The following RARB variants were observed in gnomAD, a reference collection of about 807,000 sequenced individuals.
RARB encodes HBV-activated protein.
Under a neutral mutation model 51.9 loss-of-function variants are expected in RARB, and 17 were observed. That is an observed-to-expected ratio of 0.33 (90% CI 0.22 to 0.49). The LOEUF is 0.49. RARB is among the 20% of genes least tolerant of loss of function. The pLI is 0.99. For synonymous variants in RARB, 215 were observed against 195.4 expected (o/e 1.10, Z -0.84); for missense variants, 369 against 550.8 (o/e 0.67, Z 3.30).
At position 25,569,900 on chromosome 3, in the gene RARB, G is replaced by T; in HGVS notation, c.591G>T (p.Gln197His). The T allele has an allele frequency of 6.2e-7, 1 of 1,614,128 alleles. No individual in the cohort carries two copies. ...AHQETFPSLC[Q>H]LGKYTTNSSA... ...AGGAAACTTTCCCTTCACTCTGCCA[G>T]CTGGGTAAATACACCACGGTAAGAG... Residue 197 changes from glutamine to histidine, a missense_variant, in exon 4 of 8, where the codon CAG (glutamine) becomes CAT (histidine). By Grantham distance (24) the Gln-to-His change is conservative. Coordinates refer to ENST00000330688, the MANE Select transcript of RARB (RefSeq NM_000965.5).
intron 2 of RARB, among the ~76,000 whole-genome samples, chr3:24,976,972 T>TGCATATGGTTAGCCAGTTTTCC (rs1335318603): frequency 6.6e-6 from 1 of 152,224 alleles, no homozygotes; most frequent in East Asian, 1.9e-4. Flanking sequence ...TTCAGTTTTC[T>TGCATATGGTTAGCCAGTTTTCC]GCATATGGTT....
intron 4 of RARB, among the ~76,000 whole-genome samples, chr3:25,135,686 C>CT (rs894479513): frequency 2.4e-4 from 36 of 152,010 alleles, no homozygotes; most frequent in Admixed American, 2.0e-3. Flanking sequence ...AGAGCAAAGA[C>CT]TTTTTTAAAA....
intron 5 of RARB, among the ~76,000 whole-genome samples, chr3:25,248,183 T>C (rs1177437267): frequency 6.6e-6 from 1 of 152,210 alleles, no homozygotes; most frequent in Admixed American, 6.5e-5. Flanking sequence ...TTATGAAGTA[T>C]AGCTACTCCT....
chr3:24,917,508 G>T (rs977295926), intron 2 of RARB, among the ~76,000 whole-genome samples: 2 of 152,168 alleles, frequency 1.3e-5, no homozygotes, highest in African/African-American at 4.8e-5. Context: ...CTTCATCAAA[G>T]AATGTAAGCA....
At chr3:25,044,492 A>C (rs946024658) in intron 2 of RARB, among the ~76,000 whole-genome samples, 4 of 152,218 alleles carry the variant, frequency 2.6e-5, no homozygotes, top group Non-Finnish European at 4.4e-5. Context: ...GCTAAAAAAA[A>C]CAAATCCTCG....
At chr3:25,151,294 T>TTGTA (rs968554851) in intron 4 of RARB, among the ~76,000 whole-genome samples, 2 of 152,224 alleles carry the variant, frequency 1.3e-5, no homozygotes, top group African/African-American at 4.8e-5. Context: ...CTGACTTTCT[T>TTGTA]TGCATTTCCC....
At chr3:24,887,840 C>T (rs1296251391) in intron 2 of RARB, among the ~76,000 whole-genome samples, 1 of 152,150 alleles carries the variant, frequency 6.6e-6, no homozygotes, top group Non-Finnish European at 1.5e-5. Flanking sequence ...CAGTGGTTTA[C>T]TGTGATGTCA....
Position 25,596,925 on chromosome 3 carries a change from G to T in RARB, c.*309G>T. ...GACCCAGTCAAAATGATTTACCCCT[G>T]GTTAAGTTTCTGAAGACTTTGTACA... is the stretch of plus-strand genomic sequence containing the variant. On this transcript the variant is annotated 3_prime_UTR_variant, in exon 8 of 8. Coordinates refer to ENST00000330688, the MANE Select transcript of RARB (RefSeq NM_000965.5). The T allele has an allele frequency of 4.3e-6, 1 of 230,978 alleles. No individual in the cohort carries two copies. The highest frequency in any genetic ancestry group is 8.5e-6 in the Non-Finnish European group (1 of 117,882). 14.3% of individuals were successfully genotyped at this position (230,978 alleles called of 1,614,324 possible).
chr3:25,581,747 T>G (rs1289548865), intron 5 of RARB, among the ~76,000 whole-genome samples: 1 of 152,104 alleles, frequency 6.6e-6, no homozygotes, highest in African/African-American at 2.4e-5. Context: ...AGTGCCCTTA[T>G]GAGGAGATGA....
chr3:25,277,130 G>A (rs1703408465), intron 5 of RARB, among the ~76,000 whole-genome samples: 1 of 152,178 alleles, frequency 6.6e-6, no homozygotes, highest in South Asian at 2.1e-4. Flanking sequence ...TATCCAAGGA[G>A]TAGAAAAGAA....
intron 5 of RARB, among the ~76,000 whole-genome samples, chr3:25,246,613 A>G (rs1702567361): frequency 6.6e-6 from 1 of 151,846 alleles, no homozygotes; most frequent in Non-Finnish European, 1.5e-5. Context: ...CTGGGGTTCC[A>G]CTCCAGATCC....
At chr3:24,999,937 C>A (rs1259393685) in intron 2 of RARB, among the ~76,000 whole-genome samples, 1 of 152,054 alleles carries the variant, frequency 6.6e-6, no homozygotes, top group East Asian at 1.9e-4. Flanking sequence ...TACTCCCCAA[C>A]AGCCACATTA....
chr3:25,275,547 C>A (rs1374087446), intron 5 of RARB, among the ~76,000 whole-genome samples: 1 of 152,220 alleles, frequency 6.6e-6, no homozygotes, highest in Non-Finnish European at 1.5e-5. Flanking sequence ...TACTGTTAGC[C>A]ATACGGCAAC....
At chr3:24,869,581 A>G (rs901096080) in intron 2 of RARB, among the ~76,000 whole-genome samples, 3 of 152,146 alleles carry the variant, frequency 2.0e-5, no homozygotes, top group African/African-American at 7.2e-5. Context: ...TTAGAATCAT[A>G]TTGTAAATTG....
intron 5 of RARB, among the ~76,000 whole-genome samples, chr3:25,591,146 A>G (rs1465914950): frequency 6.6e-6 from 1 of 152,218 alleles, no homozygotes; most frequent in Non-Finnish European, 1.5e-5. Context: ...GACCCATCAA[A>G]TGAAGAGAGA....
chr3:25,277,666 T>C (rs1444790419), intron 5 of RARB, among the ~76,000 whole-genome samples: 1 of 152,234 alleles, frequency 6.6e-6, no homozygotes, highest in Non-Finnish European at 1.5e-5. Flanking sequence ...TAGATTATGA[T>C]AACAGATGGC....
chr3:24,996,451 A>G (rs1336301426), intron 2 of RARB, among the ~76,000 whole-genome samples: 2 of 151,730 alleles, frequency 1.3e-5, no homozygotes, highest in Non-Finnish European at 2.9e-5. Context: ...TCTAATCTCA[A>G]TTCTGTTTAC....
At chr3:25,290,710 A>G (rs78505400) in intron 5 of RARB, among the ~76,000 whole-genome samples, 5,897 of 152,222 alleles carry the variant, frequency 0.039, 158 homozygotes, top group Middle Eastern at 0.071. Context: ...ACTTTGCTCT[A>G]TTGGTTGATA....
At chr3:25,183,713 C>G (rs1485830680) in intron 5 of RARB, among the ~76,000 whole-genome samples, 1 of 152,148 alleles carries the variant, frequency 6.6e-6, no homozygotes, top group African/African-American at 2.4e-5. Flanking sequence ...ATCGTACAAA[C>G]TTACATATTG....
Sources: gnomAD v4.1 joint callset for allele counts (sites outside exome capture counted in the v4.1 genomes callset) on GRCh38, gnomAD v4.1.1 for gene constraint, MANE v1.5 for transcripts, NCBI Gene and HGNC (gene_info 2026-07-23, HGNC 2026-07-21) for gene names.